Variants in TMEM108 observed in about 807,000 individuals in gnomAD.
TMEM108 encodes the protein cancer/testis antigen 124.
In TMEM108, 12 loss-of-function variants were observed where a neutral mutation model predicts 35.1. The observed-to-expected ratio is 0.34, with a 90% confidence interval of 0.22 to 0.55. The LOEUF (loss-of-function observed/expected upper bound fraction) is 0.55. Ranked by LOEUF, TMEM108 falls within the 20% of genes least tolerant of loss-of-function variation. The pLI is 0.89. For missense variants in TMEM108, 680 were observed against 753.3 expected (o/e 0.90, Z 1.14); for synonymous variants, 287 against 308.6 (o/e 0.93, Z 0.73).
Position 133,061,459 on chromosome 3 carries a change from C to T in TMEM108, c.-47+15439C>T, listed in dbSNP as rs567078014. ...CCATCTCCTGACCTCGTGATCCTCC[C>T]GCCTCGGCCTCCCAAAGTGCTGGGA... On this transcript the variant is annotated intron_variant, in intron 2 of 5. Transcript: ENST00000321871. Among the ~76,000 whole-genome samples the T allele has an allele frequency of 2.2e-4, 34 of 152,100 alleles. 1 individual carries two copies. The South Asian group carries it at 5.6e-3, about 25-fold the overall frequency.
At chr3:133,375,758 A>G (rs916000852) in intron 3 of TMEM108, among the ~76,000 whole-genome samples, 1 of 152,322 alleles carries the variant, frequency 6.6e-6, no homozygotes, top group African/African-American at 2.4e-5. Flanking sequence ...TTTTTATTAT[A>G]CAAATGAAAA....
intron 3 of TMEM108, among the ~76,000 whole-genome samples, chr3:133,318,756 A>G (rs190550252): frequency 1.3e-3 from 202 of 152,300 alleles, no homozygotes; most frequent in Non-Finnish European, 2.5e-4. Flanking sequence ...GAAGATGGTG[A>G]ATAGGAGACA....
At chr3:133,347,420 G>A (rs1397056484) in intron 3 of TMEM108, among the ~76,000 whole-genome samples, 1 of 151,926 alleles carries the variant, frequency 6.6e-6, no homozygotes. Context: ...AGTGTACATA[G>A]TGTTGTGTTT....
chr3:133,193,253 G>A (rs1945526627), intron 2 of TMEM108, among the ~76,000 whole-genome samples: 1 of 152,074 alleles, frequency 6.6e-6, no homozygotes, highest in Non-Finnish European at 1.5e-5. Context: ...TTAAAAAAAA[G>A]CTATCAAAAT....
chr3:133,311,498 C>T (rs1353179033), intron 3 of TMEM108, among the ~76,000 whole-genome samples: 5 of 152,140 alleles, frequency 3.3e-5, no homozygotes, highest in East Asian at 1.9e-4. Context: ...TCCACTTGAT[C>T]GAATTGGCTA....
At chr3:133,111,618 G>A (rs1944225474) in intron 2 of TMEM108, among the ~76,000 whole-genome samples, 1 of 151,974 alleles carries the variant, frequency 6.6e-6, no homozygotes, top group Non-Finnish European at 1.5e-5. Flanking sequence ...TATTTTGCGT[G>A]CATTTTATCA....
At chr3:133,060,492 A>G (rs905713938) in intron 2 of TMEM108, among the ~76,000 whole-genome samples, 1 of 152,178 alleles carries the variant, frequency 6.6e-6, no homozygotes, top group African/African-American at 2.4e-5. Flanking sequence ...TAGCTATTCT[A>G]TGAATAGCTT....
chr3:133,370,573 G>C lies in TMEM108; in HGVS notation c.41-9179G>C, dbSNP rs372626026. ...GTTTGGGAGGGTACAAGGCAGTCTG[G>C]ACTGATGCATTTGTGTTCTTTCCCA... On this transcript the variant is annotated intron_variant, in intron 3 of 5. Coordinates refer to ENST00000321871, the MANE Select transcript of TMEM108 (RefSeq NM_023943.4). Among the ~76,000 whole-genome samples, 57 of 152,210 alleles carry C rather than the reference G, an allele frequency of 3.7e-4. 1 individual carries two copies. The South Asian group carries it at 6.2e-3, about 17-fold the overall frequency.
intron 2 of TMEM108, among the ~76,000 whole-genome samples, chr3:133,116,278 C>G (rs1944287005): frequency 6.6e-6 from 1 of 152,060 alleles, no homozygotes; most frequent in Non-Finnish European, 1.5e-5. Context: ...TTGATGTTTG[C>G]CCTTCAATTT....
At chr3:133,144,409 T>C (rs1046771909) in intron 2 of TMEM108, among the ~76,000 whole-genome samples, 6 of 152,240 alleles carry the variant, frequency 3.9e-5, no homozygotes, top group Non-Finnish European at 7.3e-5. Flanking sequence ...TCTTTGCTAT[T>C]GTGAATAGTG....
intron 2 of TMEM108, among the ~76,000 whole-genome samples, chr3:133,124,118 G>T (rs570568325): frequency 1.3e-5 from 2 of 152,110 alleles, no homozygotes; most frequent in Non-Finnish European, 2.9e-5. Context: ...TCATCTTAGG[G>T]TACCCAGATT....
At chr3:133,321,549 G>A (rs1488639346) in intron 3 of TMEM108, among the ~76,000 whole-genome samples, 1 of 151,978 alleles carries the variant, frequency 6.6e-6, no homozygotes, top group Non-Finnish European at 1.5e-5. Context: ...AAATGAGATA[G>A]ACAGCAACAA....
chr3:133,214,147 G>C (rs1945872611), intron 2 of TMEM108, among the ~76,000 whole-genome samples: 1 of 152,220 alleles, frequency 6.6e-6, no homozygotes, highest in South Asian at 2.1e-4. Context: ...CCTGGGCCAA[G>C]TGCTTGACAT....
intron 2 of TMEM108, among the ~76,000 whole-genome samples, chr3:133,199,881 C>T (rs1576377323): frequency 6.6e-6 from 1 of 152,202 alleles, no homozygotes; most frequent in East Asian, 1.9e-4. Context: ...TCTACAGAAG[C>T]AGGCAGGCCT....
At chr3:133,093,755 A>G (rs1943977160) in intron 2 of TMEM108, among the ~76,000 whole-genome samples, 4 of 152,128 alleles carry the variant, frequency 2.6e-5, no homozygotes, top group Admixed American at 2.6e-4. Context: ...GTTGCTTTAA[A>G]ACATTTTTAT....
chr3:133,074,803 A>G (rs1015492817), intron 2 of TMEM108, among the ~76,000 whole-genome samples: 8 of 152,220 alleles, frequency 5.3e-5, no homozygotes, highest in Admixed American at 6.5e-5. Flanking sequence ...AGCCTATTTT[A>G]TAATAAAGTT....
At chr3:133,360,507 C>A (rs2072314003) in intron 3 of TMEM108, among the ~76,000 whole-genome samples, 1 of 152,172 alleles carries the variant, frequency 6.6e-6, no homozygotes, top group South Asian at 2.1e-4. Context: ...TTCTCTGGAA[C>A]TCCCAGAGAA....
intron 5 of TMEM108, among the ~76,000 whole-genome samples, chr3:133,390,592 A>G (rs541314719): frequency 2.1e-4 from 32 of 152,306 alleles, no homozygotes; most frequent in African/African-American, 7.5e-4. Context: ...TCTGGGAACA[A>G]GTGAACAAAT....
At chr3:133,066,657 T>G (rs960900839) in intron 2 of TMEM108, among the ~76,000 whole-genome samples, 13 of 152,180 alleles carry the variant, frequency 8.5e-5, no homozygotes, top group Admixed American at 6.5e-4. Flanking sequence ...TTGTTAATCT[T>G]TAAAAAGTTA....
Sources: gnomAD v4.1 joint callset for allele counts (sites outside exome capture counted in the v4.1 genomes callset) on GRCh38, gnomAD v4.1.1 for gene constraint, MANE v1.5 for transcripts, NCBI Gene and HGNC (gene_info 2026-07-23, HGNC 2026-07-21) for gene names.